The following CD80 variants were observed in gnomAD, a reference collection of about 807,000 sequenced individuals.
CD80 encodes T-lymphocyte activation antigen CD80.
A neutral mutation model predicts 27.1 loss-of-function variants in CD80; 13 were observed. The observed-to-expected ratio is 0.48, with a 90% CI of 0.31 to 0.76. CD80 has a LOEUF of 0.76. Ranked by LOEUF, CD80 falls within the 30% of genes least tolerant of loss-of-function variation. CD80 has a pLI of 0.04. For missense variants in CD80, 277 were observed against 347.9 expected (o/e 0.80, Z 1.62); for synonymous variants, 125 against 125.5 (o/e 1.00, Z 0.03).
chr3:119,537,463 T>TCTACACAC, intron 3 of CD80, 45 bp from the exon 4 acceptor site: 1 of 1,326,194 alleles, frequency 7.5e-7, no homozygotes, highest in Non-Finnish European at 1.1e-6. Context: ...GTTACAAACC[T>TCTACACAC]ATGTGTGTAG....
chr3:119,545,216 G>T lies in CD80; in HGVS notation c.101-349C>A, dbSNP rs916991279. On this transcript the variant is annotated intron_variant, in intron 2 of 6. Transcript: ENST00000264246. ...AAAAATTAGCCGGGTGTGGTGGCGG[G>T]TGTAGTAATCCCAGCTACTCGGGAG... Among the ~76,000 whole-genome samples, 19 of 152,072 alleles carry T rather than the reference G, an allele frequency of 1.2e-4. No individual in the cohort carries two copies. The East Asian group carries it at 3.7e-3, about 29-fold the overall frequency.
chr3:119,558,501 G>A (rs1014762881), intron 1 of CD80, among the ~76,000 whole-genome samples: 9 of 152,148 alleles, frequency 5.9e-5, no homozygotes, highest in South Asian at 2.1e-4. Context: ...GGTGGCTCAC[G>A]CCTGTAATCC....
intron 3 of CD80, 54 bp from the exon 4 acceptor site, chr3:119,537,472 A>G: frequency 8.2e-7 from 1 of 1,221,132 alleles, no homozygotes; most frequent in Non-Finnish European, 1.2e-6. Flanking sequence ...CTATGTGTGT[A>G]GAGGTTTATT....
intron 4 of CD80, among the ~76,000 whole-genome samples, chr3:119,531,457 T>C (rs958263298): frequency 6.6e-6 from 1 of 152,162 alleles, no homozygotes; most frequent in African/African-American, 2.4e-5. Context: ...TTTCTTTCCA[T>C]AGTAGGATTT....
At chr3:119,533,235 A>C (rs897339842) in intron 4 of CD80, among the ~76,000 whole-genome samples, 2 of 152,202 alleles carry the variant, frequency 1.3e-5, no homozygotes, top group Non-Finnish European at 2.9e-5. Flanking sequence ...ACAGGGGCAG[A>C]CCCAGAATCC....
chr3:119,544,307 A>G (rs1264219442), intron 3 of CD80: 1 of 530,832 alleles, frequency 1.9e-6, no homozygotes, highest in African/African-American at 1.9e-5. Context: ...AGGTCATTAT[A>G]GTGCCCCAGG....
At chr3:119,558,590 C>T (rs945760617) in intron 1 of CD80, among the ~76,000 whole-genome samples, 1 of 152,044 alleles carries the variant, frequency 6.6e-6, no homozygotes, top group Non-Finnish European at 1.5e-5. Context: ...TGGCAAAACC[C>T]CATTTCTACC....
At chr3:119,557,215 T>C (rs1467935728) in intron 2 of CD80, among the ~76,000 whole-genome samples, 5 of 152,158 alleles carry the variant, frequency 3.3e-5, no homozygotes, top group African/African-American at 1.2e-4. Flanking sequence ...AGATCACCAT[T>C]GTTCAATTTT....
chr3:119,545,736 A>C (rs927034273), intron 2 of CD80, among the ~76,000 whole-genome samples: 82 of 147,178 alleles, frequency 5.6e-4, no homozygotes, highest in African/African-American at 2.1e-3. Context: ...TATTACACAC[A>C]CACCCCCCCC....
At chr3:119,527,964 C>A in intron 5 of CD80, 123 bp from the exon 6 acceptor site, 1 of 798,984 alleles carries the variant, frequency 1.3e-6, no homozygotes, top group East Asian at 2.6e-5. Context: ...GTTCTTATAC[C>A]AGGGGTGATT....
chr3:119,545,885 T>G (rs1010256598), intron 2 of CD80, among the ~76,000 whole-genome samples: 7 of 152,232 alleles, frequency 4.6e-5, no homozygotes, highest in Non-Finnish European at 8.8e-5. Flanking sequence ...TATGGAATTT[T>G]GGGGTCATAT....
intron 1 of CD80, among the ~76,000 whole-genome samples, chr3:119,558,525 G>C (rs201748575): frequency 6.6e-6 from 1 of 152,174 alleles, no homozygotes; most frequent in Admixed American, 6.5e-5. Context: ...CACTTTGGGA[G>C]GCTGAGGTGG....
At chr3:119,557,516 T>G in intron 2 of CD80, 113 bp downstream of exon 2, 2 of 622,026 alleles carry the variant, frequency 3.2e-6, no homozygotes, top group Non-Finnish European at 5.3e-6. Context: ...GAAAACACCC[T>G]GAAGGTTCCT....
At position 119,527,823 on chromosome 3, in the gene CD80, C is replaced by A. The variant is rs74934063; in HGVS notation, c.815G>T (p.Arg272Ile). Reference sequence around the variant, plus strand: ...CAATCTCTCATTCCTCCTTCTCTCTCTGCATCTTGGGGCAAAGCCTTGGAG... The same window carrying A: ...CAATCTCTCATTCCTCCTTCTCTCTATGCATCTTGGGGCAAAGCCTTGGAG... ...CLTYCFAPRC[R>I]ERRRNERLRR... The change falls in exon 6 of 7, where the codon AGA becomes ATA. Residue 272 changes from arginine (R) to isoleucine (I), a missense_variant. Arg to Ile is a moderately conservative substitution (Grantham distance 97). Coordinates refer to ENST00000264246, the MANE Select transcript of CD80 (RefSeq NM_005191.4). 1 of 1,613,772 alleles carries A rather than the reference C, an allele frequency of 6.2e-7. No homozygotes were observed. The highest frequency in any genetic ancestry group is 1.3e-5 in the African/African-American group (1 of 74,894).
intron 4 of CD80, among the ~76,000 whole-genome samples, chr3:119,531,304 A>G (rs2082109945): frequency 1.3e-5 from 2 of 152,224 alleles, no homozygotes; most frequent in South Asian, 4.1e-4. Flanking sequence ...ATTTCTCAGC[A>G]CCTCCATATT....
chr3:119,541,476 A>G (rs1353373985), intron 3 of CD80, among the ~76,000 whole-genome samples: 1 of 152,222 alleles, frequency 6.6e-6, no homozygotes, highest in Non-Finnish European at 1.5e-5. Context: ...TTTAGCACCA[A>G]AAATCTTGTG....
chr3:119,553,187 T>C (rs1248063707), intron 2 of CD80, among the ~76,000 whole-genome samples: 1 of 151,914 alleles, frequency 6.6e-6, no homozygotes, highest in Non-Finnish European at 1.5e-5. Flanking sequence ...TTGCCCATGC[T>C]GGAGTGCAGT....
At chr3:119,540,549 C>T (rs1254043117) in intron 3 of CD80, among the ~76,000 whole-genome samples, 1 of 152,030 alleles carries the variant, frequency 6.6e-6, no homozygotes, top group East Asian at 1.9e-4. Flanking sequence ...TTAATTTATC[C>T]TATAAGATCG....
intron 3 of CD80, among the ~76,000 whole-genome samples, chr3:119,541,621 C>T (rs1039687926): frequency 6.6e-6 from 1 of 152,222 alleles, no homozygotes; most frequent in Non-Finnish European, 1.5e-5. Context: ...GTTAGAGGTG[C>T]AGAATCTCAG....
Sources: allele counts gnomAD v4.1 joint callset (sites outside exome capture counted in the v4.1 genomes callset), GRCh38; gene constraint gnomAD v4.1.1; transcripts MANE v1.5; gene names NCBI Gene and HGNC (gene_info 2026-07-23, HGNC 2026-07-21).